The following LAMA2 variants were observed in gnomAD, a reference collection of about 807,000 sequenced individuals.
The protein encoded by LAMA2 is laminin subunit alpha 2.
A neutral mutation model predicts 364.8 loss-of-function variants in LAMA2; 269 were observed. The ratio of observed to expected loss-of-function variants is 0.74; its 90% CI spans 0.67 to 0.82. The LOEUF (loss-of-function observed/expected upper bound fraction) is 0.82, where lower values mean the gene tolerates loss of function less well. Ranked by LOEUF, LAMA2 falls within the 40% of genes least tolerant of loss-of-function variation. The pLI is 0.00. For synonymous variants in LAMA2, 1,379 were observed against 1,370.6 expected, an observed-to-expected ratio of 1.01 and a Z score of -0.14; for missense variants, 3,807 against 3,873.2, an observed-to-expected ratio of 0.98 and a Z score of 0.45.
chr6:128,910,058 C>A (rs1777792115), intron 1 of LAMA2, among the ~76,000 whole-genome samples: 1 of 151,792 alleles, frequency 6.6e-6, no homozygotes, highest in Admixed American at 6.6e-5. Flanking sequence ...TTCTCTCTGG[C>A]TGCCCTTAAC....
At chr6:128,906,917 C>T (rs1451113209) in intron 1 of LAMA2, among the ~76,000 whole-genome samples, 1 of 151,404 alleles carries the variant, frequency 6.6e-6, no homozygotes, top group Non-Finnish European at 1.5e-5. Context: ...GCTTGTTTTT[C>T]TCAGGTTTGT....
intron 53 of LAMA2, among the ~76,000 whole-genome samples, chr6:129,478,324 T>C (rs966018741): frequency 1.3e-5 from 2 of 152,230 alleles, no homozygotes; most frequent in African/African-American, 4.8e-5. Context: ...TTTTGGTATA[T>C]AGTTTGTTTA....
chr6:129,225,487 C>G (rs575695404), intron 12 of LAMA2, among the ~76,000 whole-genome samples: 65 of 152,268 alleles, frequency 4.3e-4, no homozygotes, highest in African/African-American at 1.5e-3. Flanking sequence ...ATAAATTTCC[C>G]TCTACACACT....
intron 1 of LAMA2, among the ~76,000 whole-genome samples, chr6:128,883,770 A>T (rs928972789): frequency 4.0e-5 from 6 of 150,240 alleles, no homozygotes; most frequent in Admixed American, 6.7e-5. Context: ...AGGGTAGCTG[A>T]TGCATCAAAA....
intron 1 of LAMA2, among the ~76,000 whole-genome samples, chr6:128,972,033 A>G (rs992574088): frequency 6.6e-6 from 1 of 152,146 alleles, no homozygotes; most frequent in African/African-American, 2.4e-5. Context: ...CACCAGTGGA[A>G]TTTCCTACAC....
chr6:128,914,000 G>A (rs891473140), intron 1 of LAMA2, among the ~76,000 whole-genome samples: 5 of 151,966 alleles, frequency 3.3e-5, no homozygotes, highest in African/African-American at 9.7e-5. Context: ...AAAATAAAAA[G>A]GATTGTAGAG....
chr6:129,039,928 T>A (rs899656297), intron 1 of LAMA2, among the ~76,000 whole-genome samples: 3 of 152,200 alleles, frequency 2.0e-5, no homozygotes, highest in African/African-American at 7.2e-5. Flanking sequence ...TCTGCAGCCC[T>A]GGGGTTGGGG....
At chr6:129,290,136 CATTA>C (rs1378606895) in intron 19 of LAMA2, among the ~76,000 whole-genome samples, 10 of 152,044 alleles carry the variant, frequency 6.6e-5, no homozygotes, top group Admixed American at 4.6e-4. Flanking sequence ...TTTACGATAA[CATTA>C]ATTAATTACC....
At position 129,478,729 on chromosome 6, in the gene LAMA2, C is replaced by CAAAG. The variant is rs1480934961; in HGVS notation, c.7490_7493dup (p.Asp2498GlufsTer4). On this transcript the variant is annotated frameshift_variant, in exon 54 of 65. Coordinates refer to ENST00000421865, the MANE Select transcript of LAMA2 (RefSeq NM_000426.4). LOFTEE classifies it high-confidence loss of function. ...ATCTGAAGAAATATTCCGGCTGCCT[C>CAAAG]AAAGATATTGAAATTTCAAGAACTC... The CAAAG allele has an allele frequency of 3.7e-6, 6 of 1,613,302 alleles. No homozygotes were observed. Among genetic ancestry groups the CAAAG allele is most frequent in the Non-Finnish European group, 4.2e-6 (5 of 1,179,430 alleles).
chr6:129,377,858 G>A (rs747499319), intron 34 of LAMA2, among the ~76,000 whole-genome samples: 37 of 152,184 alleles, frequency 2.4e-4, no homozygotes, highest in Non-Finnish European at 3.7e-4. Context: ...AGCTAAAGCA[G>A]GAAAGTAACA....
At chr6:129,395,763 T>G (rs921020279) in intron 37 of LAMA2, among the ~76,000 whole-genome samples, 1 of 152,230 alleles carries the variant, frequency 6.6e-6, no homozygotes, top group African/African-American at 2.4e-5. Flanking sequence ...CCCTGACACT[T>G]GTGCTAGATC....
chr6:129,354,954 T>A (rs1777068193), intron 32 of LAMA2, among the ~76,000 whole-genome samples: 2 of 152,178 alleles, frequency 1.3e-5, no homozygotes, highest in Admixed American at 1.3e-4. Flanking sequence ...AATCCTCCAG[T>A]TACAAAGCTA....
chr6:129,475,387 T>A lies in LAMA2; in HGVS notation c.7440-3T>A. The A allele has an allele frequency of 6.5e-7, 1 of 1,532,444 alleles. No homozygotes were observed. Among genetic ancestry groups the A allele is most frequent in the African/African-American group, 1.4e-5 (1 of 71,756 alleles). The allele number at this position is 1,532,444 out of a possible 1,614,324, so 94.9% of individuals were successfully genotyped here. A position where few individuals can be genotyped will look rare whatever the true frequency, so the allele number is the denominator to read the frequency against. On this transcript the variant is annotated splice_region_variant and splice_polypyrimidine_tract_variant and intron_variant, in intron 52 of 64. Transcript: ENST00000421865. ...TTTTTTTTTCCTCTTTCCCGTTATC[T>A]AGTATGAAAGCAAGGTAAAATTTAA...
At position 129,291,666 on chromosome 6, in the gene LAMA2, T is replaced by C. The variant is rs2114432552; in HGVS notation, c.2802T>C (p.Thr934=). 2 of 1,614,180 alleles carry C rather than the reference T, an allele frequency of 1.2e-6. No homozygotes were observed. Among genetic ancestry groups the C allele is most frequent in the African/African-American group, 1.3e-5 (1 of 75,066 alleles). The change falls in exon 20 of 65, where the codon ACT becomes ACC. Residue 934 remains threonine (T), a synonymous_variant. Coordinates refer to ENST00000421865, the MANE Select transcript of LAMA2 (RefSeq NM_000426.4). ...GSFSEVCHSQ[T]GQCECRANVQ... is the part of the protein sequence containing the mutation. ...TCTCTGAGGTTTGCCACAGTCAAAC[T>C]GGACAGTGTGAGTGCAGAGCCAACG...
At chr6:129,297,925 T>C (rs1773296632) in intron 21 of LAMA2, 60 bp downstream of exon 21, 4 of 1,381,048 alleles carry the variant, frequency 2.9e-6, no homozygotes, top group South Asian at 2.4e-5. Flanking sequence ...GTCTGACTTC[T>C]GTAACAGTTT....
In LAMA2 at chr6:129,481,361, G is replaced by A. The variant is rs1173166646; in HGVS notation, c.7671G>A (p.Lys2557=). 1.9e-6 allele frequency: 3 copies of A among 1,613,856 alleles called. No individual in the cohort carries two copies. The highest frequency in any genetic ancestry group is 2.5e-6 in the Non-Finnish European group (3 of 1,179,932). ...GTEINLSFST[K]NESGIILLGS... is the part of the protein sequence containing the mutation. ...AAATCAACCTGTCATTCAGCACCAAGAATGAGTCCGGCATCATTCTTTTGG... is the reference window on the plus strand; with the variant it reads ...AAATCAACCTGTCATTCAGCACCAAAAATGAGTCCGGCATCATTCTTTTGG... The change falls in exon 55 of 65, where the codon AAG becomes AAA. Residue 2557 remains lysine (K), a synonymous_variant. Coordinates refer to ENST00000421865, the MANE Select transcript of LAMA2 (RefSeq NM_000426.4).
At chr6:129,220,351 C>G (rs537912157) in intron 12 of LAMA2, among the ~76,000 whole-genome samples, 2 of 152,258 alleles carry the variant, frequency 1.3e-5, no homozygotes, top group East Asian at 3.9e-4. Context: ...AGCTTTCCTT[C>G]AGGCACAAAA....
intron 18 of LAMA2, among the ~76,000 whole-genome samples, chr6:129,282,513 A>G (rs1308146373): frequency 1.3e-5 from 2 of 152,110 alleles, no homozygotes; most frequent in African/African-American, 4.8e-5. Flanking sequence ...ACCTAGTACC[A>G]AAGGCCTTAT....
At chr6:129,450,579 C>G (rs1429033911) in intron 45 of LAMA2, among the ~76,000 whole-genome samples, 1 of 152,124 alleles carries the variant, frequency 6.6e-6, no homozygotes, top group Admixed American at 6.5e-5. Flanking sequence ...TCTCAGCCTC[C>G]CAAAGTGCTG....
Sources: gnomAD v4.1 joint callset for allele counts (sites outside exome capture counted in the v4.1 genomes callset) on GRCh38, gnomAD v4.1.1 for gene constraint, MANE v1.5 for transcripts, NCBI Gene and HGNC (gene_info 2026-07-23, HGNC 2026-07-21) for gene names.